The following FBN1 variants were observed in gnomAD, a reference collection of about 807,000 sequenced individuals.
The protein encoded by FBN1 is fibrillin 1.
In FBN1, 29 loss-of-function variants were observed where a neutral mutation model predicts 365.1. The observed-to-expected ratio is 0.08, with a 90% CI of 0.06 to 0.11. FBN1 has a LOEUF of 0.11. Ranked by LOEUF, FBN1 falls within the 10% of genes least tolerant of loss-of-function variation. The probability of loss-of-function intolerance (pLI) is 1.00; values close to 1 mark genes in which losing one functional copy is unlikely to be tolerated. For missense variants in FBN1, 2,476 were observed against 3,703.2 expected (o/e 0.67, Z 8.60); for synonymous variants, 1,210 against 1,270.5 (o/e 0.95, Z 1.01).
intron 35 of FBN1, among the ~76,000 whole-genome samples, chr15:48,471,956 C>T (rs140355195): frequency 9.8e-5 from 15 of 152,294 alleles, no homozygotes; most frequent in African/African-American, 2.6e-4. Flanking sequence ...TAAAGCTGAG[C>T]GATACCATGC....
At chr15:48,623,421 T>C (rs1464137790) in intron 2 of FBN1, among the ~76,000 whole-genome samples, 2 of 152,236 alleles carry the variant, frequency 1.3e-5, no homozygotes, top group Non-Finnish European at 2.9e-5. Context: ...ATCAGTGAAG[T>C]TACCCATGTT....
Position 48,468,102 on chromosome 15 carries a change from T to A in FBN1, c.4583A>T (p.Asp1528Val). 6.2e-7 allele frequency: 1 copy of A among 1,614,134 alleles called. No individual in the cohort carries two copies. The change falls in exon 38 of 66, where the codon GAT (aspartate) becomes GTT (valine). Residue 1528 changes from aspartate to valine, a missense_variant and splice_region_variant. By Grantham distance (152) the Asp-to-Val change is radical. Around this residue, in one of 5 missense-constraint regions of FBN1, gnomAD observed 1,780 missense variants for 2,840.8 expected, o/e 0.63. Transcript: ENST00000316623. ...ELNPTRVGCV[D>V]TRSGNCYLDI... ...CAAATAGCAATTTCCAGAGCGGGTATCTATTTACCATATACAAACACAAAA... is the reference window on the plus strand; with the variant it reads ...CAAATAGCAATTTCCAGAGCGGGTAACTATTTACCATATACAAACACAAAA...
chr15:48,491,812 C>G (rs868018075), intron 24 of FBN1, among the ~76,000 whole-genome samples: 1 of 152,194 alleles, frequency 6.6e-6, no homozygotes, highest in African/African-American at 2.4e-5. Flanking sequence ...AGTAGTAACA[C>G]CAGAATAAGT....
chr15:48,578,909 T>G (rs2044370032), intron 6 of FBN1, among the ~76,000 whole-genome samples: 1 of 141,866 alleles, frequency 7.0e-6, no homozygotes. Flanking sequence ...TAATGCTAGA[T>G]GACGAGTTAG....
At chr15:48,537,965 C>A (rs1012002872) in intron 6 of FBN1, among the ~76,000 whole-genome samples, 157 bp from the exon 7 acceptor site, 2 of 152,168 alleles carry the variant, frequency 1.3e-5, no homozygotes, top group African/African-American at 4.8e-5. Context: ...CTTGGATAGA[C>A]CATTCTACTT....
intron 11 of FBN1, 122 bp downstream of exon 11, chr15:48,516,061 A>G: frequency 9.8e-7 from 1 of 1,023,406 alleles, no homozygotes; most frequent in South Asian, 1.5e-5. Flanking sequence ...CATTATGTAA[A>G]CCAAAAATTA....
At chr15:48,636,925 C>T (rs1012508131) in intron 2 of FBN1, among the ~76,000 whole-genome samples, 1 of 152,246 alleles carries the variant, frequency 6.6e-6, no homozygotes. Context: ...ATAACTCAAA[C>T]ACTCACAAAT....
chr15:48,523,282 C>T (rs2043876345), intron 9 of FBN1, among the ~76,000 whole-genome samples: 1 of 152,210 alleles, frequency 6.6e-6, no homozygotes, highest in Admixed American at 6.5e-5. Context: ...AAACTAGGGC[C>T]TACAGTTGCC....
chr15:48,421,082 CTT>C (rs200409772), intron 62 of FBN1, among the ~76,000 whole-genome samples: 1 of 146,884 alleles, frequency 6.8e-6, no homozygotes, highest in South Asian at 2.2e-4. Flanking sequence ...TGTGTTTGCT[CTT>C]TTTTTTTTTT....
rs952466971 is a variant in FBN1, at chr15:48,428,188, A to G, written c.6997+158T>C. ...TAGCTGCAGGGTGGTGCTGAGCCCA[A>G]TGGACAATCACAGTCATTACGGCAT... On this transcript the variant is annotated intron_variant, in intron 57 of 65. Coordinates refer to ENST00000316623, the MANE Select transcript of FBN1 (RefSeq NM_000138.5). 2.0e-5 allele frequency: 18 copies of G among 921,344 alleles called. 1 individual carries two copies. Among genetic ancestry groups the G allele is most frequent in the Middle Eastern group, 6.5e-4 (2 of 3,092 alleles). 57.1% of individuals were successfully genotyped at this position (921,344 alleles called of 1,614,324 possible).
intron 6 of FBN1, among the ~76,000 whole-genome samples, chr15:48,575,929 T>C (rs1194910024): frequency 6.6e-6 from 1 of 151,716 alleles, no homozygotes; most frequent in Non-Finnish European, 1.5e-5. Flanking sequence ...TTATCCTAAG[T>C]AAAAGAATAG....
In FBN1 at chr15:48,483,938, C is replaced by T. The variant is rs573187346; in HGVS notation, c.3718G>A (p.Asp1240Asn). ...MPDQRSCTDI[D>N]ECEDNPNICD... ...ATATTGGGATTATCTTCACACTCAT[C>T]GATGTCTGCAAAGAATAAAACCAAC... The change falls in exon 31 of 66, where the codon GAT becomes AAT. Residue 1240 changes from aspartate (D) to asparagine (N), a missense_variant. Physicochemically the swap from Asp to Asn is conservative, Grantham distance 23. Around this residue, in one of 5 missense-constraint regions of FBN1, gnomAD observed 1,780 missense variants for 2,840.8 expected, o/e 0.63. Transcript: ENST00000316623. 2.4e-5 allele frequency: 38 copies of T among 1,612,804 alleles called. No individual in the cohort carries two copies. The highest frequency in any genetic ancestry group is 1.8e-4 in the South Asian group (16 of 91,072).
At position 48,438,096 on chromosome 15, in the gene FBN1, G is replaced by A. The variant is rs562614535; in HGVS notation, c.6164-179C>T. On this transcript the variant is annotated intron_variant, in intron 50 of 65. Coordinates refer to ENST00000316623, the MANE Select transcript of FBN1 (RefSeq NM_000138.5). Reference sequence around the variant, plus strand: ...ATTGTTAAAGTCATGGGTATCTTTTGTATAGTGAGATCTGATGAACAACTC... The same window carrying A: ...ATTGTTAAAGTCATGGGTATCTTTTATATAGTGAGATCTGATGAACAACTC... Among the ~76,000 whole-genome samples the A allele has an allele frequency of 1.1e-4, 17 of 152,258 alleles. No individual in the cohort carries two copies. In the East Asian group the frequency reaches 3.3e-3, roughly 29 times the overall value.
intron 44 of FBN1, among the ~76,000 whole-genome samples, chr15:48,453,379 C>A (rs78613791): frequency 1.3e-5 from 2 of 149,178 alleles, no homozygotes; most frequent in Non-Finnish European, 3.0e-5. Context: ...TATTACTAAG[C>A]GAATCAGAAG....
chr15:48,464,152 T>C, intron 40 of FBN1, 131 bp from the exon 41 acceptor site: 4 of 837,882 alleles, frequency 4.8e-6, no homozygotes, highest in Non-Finnish European at 7.9e-6. Flanking sequence ...CGAAAATAGG[T>C]ATTTCATTCA....
Position 48,468,486 on chromosome 15 carries a change from A to G in FBN1, c.4508T>C (p.Val1503Ala), listed in dbSNP as rs2043341355. 3 of 1,614,152 alleles carry G rather than the reference A, an allele frequency of 1.9e-6. No homozygotes were observed. The highest frequency in any genetic ancestry group is 2.5e-6 in the Non-Finnish European group (3 of 1,179,998). The change falls in exon 37 of 66, where the codon GTC becomes GCC. Residue 1503 changes from valine (V) to alanine (A), a missense_variant. Around this residue, in one of 5 missense-constraint regions of FBN1, gnomAD observed 1,780 missense variants for 2,840.8 expected, o/e 0.63. Transcript: ENST00000316623. Reference sequence around the variant, plus strand: ...ACAGATATAGCTGCCTGGAGTGTTGACACAGTTCCCACTGATGCACGTGGT... The same window carrying G: ...ACAGATATAGCTGCCTGGAGTGTTGGCACAGTTCCCACTGATGCACGTGGT... Reference protein sequence around the residue: ...DPTTCISGNCVNTPGSYICDC... With the variant: ...DPTTCISGNCANTPGSYICDC...
At chr15:48,533,670 C>T (rs1005016368) in intron 8 of FBN1, among the ~76,000 whole-genome samples, 1 of 152,136 alleles carries the variant, frequency 6.6e-6, no homozygotes, top group Non-Finnish European at 1.5e-5. Context: ...TCTGCCTCCC[C>T]ACACACAAAA....
At chr15:48,468,558 G>A (rs1321315370) in intron 36 of FBN1, 24 bp from the exon 37 acceptor site, 2 of 1,613,538 alleles carry the variant, frequency 1.2e-6, no homozygotes, top group Non-Finnish European at 1.7e-6. Flanking sequence ...GTGAGTAGTG[G>A]AGTTATCACC....
rs7164951 is a variant in FBN1, at chr15:48,591,307, A to G, written c.538+4976T>C. Among the ~76,000 whole-genome samples, 400 of 152,342 alleles carry G rather than the reference A, an allele frequency of 2.6e-3. 2 individuals are homozygous for G. The highest frequency in any genetic ancestry group is 9.3e-3 in the African/African-American group (386 of 41,570). ...CAAATGCCTCCTCAAAAGGGAAAAA[A>G]AAAAATCACACACTGATTTGAATGT... On this transcript the variant is annotated intron_variant, in intron 6 of 65. Coordinates refer to ENST00000316623, the MANE Select transcript of FBN1 (RefSeq NM_000138.5).
Sources: allele counts gnomAD v4.1 joint callset (sites outside exome capture counted in the v4.1 genomes callset), GRCh38; gene constraint gnomAD v4.1.1; regional missense constraint gnomAD v4.1.1; transcripts MANE v1.5; gene names NCBI Gene and HGNC (gene_info 2026-07-23, HGNC 2026-07-21).